The following MAP4K3 variants were observed in gnomAD, a reference collection of about 807,000 sequenced individuals.
The protein encoded by MAP4K3 is mitogen-activated protein kinase kinase kinase kinase 3.
MAP4K3 carries 94 observed loss-of-function variants against 143.5 expected under a neutral mutation model. That is an observed-to-expected ratio of 0.65 (90% CI 0.55 to 0.78). The LOEUF is 0.78. Ranked by LOEUF, MAP4K3 falls within the 30% of genes least tolerant of loss-of-function variation. MAP4K3 has a pLI of 0.00. For missense variants in MAP4K3, 1,077 were observed against 1,068.1 expected (o/e 1.01, Z -0.12); for synonymous variants, 416 against 347.2 (o/e 1.20, Z -2.20).
At chr2:39,330,339 C>G (rs1280501832) in intron 8 of MAP4K3, among the ~76,000 whole-genome samples, 2 of 152,112 alleles carry the variant, frequency 1.3e-5, no homozygotes, top group African/African-American at 4.8e-5. Context: ...TGCAATACTT[C>G]AAAAACTCTA....
At chr2:39,434,138 CTTATT>C (rs1463969168) in intron 1 of MAP4K3, among the ~76,000 whole-genome samples, 2 of 152,184 alleles carry the variant, frequency 1.3e-5, no homozygotes, top group African/African-American at 4.8e-5. Flanking sequence ...AATCGGATCT[CTTATT>C]TATTTAATCC....
intron 13 of MAP4K3, among the ~76,000 whole-genome samples, chr2:39,311,227 G>A (rs186507749): frequency 3.6e-4 from 55 of 152,188 alleles, no homozygotes; most frequent in African/African-American, 1.2e-3. Context: ...ACAGGTGCGC[G>A]CCACTATACC....
intron 24 of MAP4K3, among the ~76,000 whole-genome samples, chr2:39,276,666 C>T (rs1291773220): frequency 6.6e-6 from 1 of 152,170 alleles, no homozygotes; most frequent in Admixed American, 6.5e-5. Context: ...TAATATATGT[C>T]AAGCATTTAA....
chr2:39,350,582 T>C (rs1195106631), intron 3 of MAP4K3, among the ~76,000 whole-genome samples: 1 of 152,188 alleles, frequency 6.6e-6, no homozygotes, highest in Non-Finnish European at 1.5e-5. Context: ...ATCCAGTTGT[T>C]TCCCTTCTTA....
intron 2 of MAP4K3, among the ~76,000 whole-genome samples, chr2:39,367,117 T>C (rs1397922575): frequency 5.3e-5 from 8 of 152,272 alleles, no homozygotes; most frequent in Admixed American, 5.2e-4. Flanking sequence ...TTTGTTTGGC[T>C]GTATTTTAGT....
chr2:39,343,321 A>T lies in MAP4K3; in HGVS notation c.310+67T>A, dbSNP rs540795901. The T allele has an allele frequency of 1.8e-4, 190 of 1,037,854 alleles. No individual in the cohort carries two copies. In the South Asian group the frequency reaches 2.5e-3, roughly 14 times the overall value. 64.3% of individuals were successfully genotyped at this position (1,037,854 alleles called of 1,614,324 possible). On this transcript the variant is annotated intron_variant, in intron 4 of 33. Coordinates refer to ENST00000263881, the MANE Select transcript of MAP4K3 (RefSeq NM_003618.4). The stretch of plus-strand genomic sequence containing the variant: ...TCCTTAAGATAATGTTGATGTTTTA[A>T]TATAGTAAATAGCTGTATTTTAAGA...
At chr2:39,318,133 A>T (rs1159125680) in intron 12 of MAP4K3, among the ~76,000 whole-genome samples, 1 of 152,174 alleles carries the variant, frequency 6.6e-6, no homozygotes, top group African/African-American at 2.4e-5. Flanking sequence ...TCCTAAGTAA[A>T]CTAACTCAGG....
intron 12 of MAP4K3, chr2:39,323,539 AAC>A (rs1443437083): frequency 6.6e-6 from 1 of 152,226 alleles, no homozygotes; most frequent in Non-Finnish European, 1.5e-5. Flanking sequence ...TGGTTCAAAT[AAC>A]AGTTACCACT....
At chr2:39,377,152 T>C (rs1044835117) in intron 2 of MAP4K3, among the ~76,000 whole-genome samples, 2 of 147,394 alleles carry the variant, frequency 1.4e-5, no homozygotes, top group African/African-American at 4.9e-5. Flanking sequence ...GAGAACTGAA[T>C]ATAGAGACCA....
In MAP4K3 at chr2:39,437,028, G is replaced by T. The variant is rs1665513175; in HGVS notation, c.-41C>A. On this transcript the variant is annotated 5_prime_UTR_variant, in exon 1 of 34. Transcript: ENST00000263881. The stretch of plus-strand genomic sequence containing the variant: ...CCCCCCGCCTCCCTCCCGGGCAGGG[G>T]AGGGGGGCCGCTCAGGGGGCCACAC... 1 of 1,538,808 alleles carries T rather than the reference G, an allele frequency of 6.5e-7. No homozygotes were observed. Among genetic ancestry groups the T allele is most frequent in the East Asian group, 2.3e-5 (1 of 42,692 alleles).
intron 1 of MAP4K3, chr2:39,436,669 T>C (rs1019894958): frequency 5.4e-6 from 3 of 557,366 alleles, no homozygotes; most frequent in Non-Finnish European, 3.2e-6. Flanking sequence ...GCAAAAATCA[T>C]GTCCACCGGG....
intron 1 of MAP4K3, among the ~76,000 whole-genome samples, chr2:39,419,929 G>C (rs539864158): frequency 2.2e-4 from 34 of 152,306 alleles, no homozygotes; most frequent in Middle Eastern, 3.4e-3. Flanking sequence ...ACAGGCAAAA[G>C]CAAGGTATGG....
intron 4 of MAP4K3, among the ~76,000 whole-genome samples, chr2:39,340,181 T>A (rs1454738128): frequency 6.6e-6 from 1 of 152,154 alleles, no homozygotes; most frequent in Admixed American, 6.5e-5. Flanking sequence ...TAATACTCTC[T>A]CTATATAATG....
chr2:39,273,667 T>C lies in MAP4K3; in HGVS notation c.1795-1125A>G, dbSNP rs576084714. ...AGGGAGGAGAAACAAAGTAACATTT[T>C]AATAAAAATTTTATTTCATTTACTG... On this transcript the variant is annotated intron_variant, in intron 24 of 33. Coordinates refer to ENST00000263881, the MANE Select transcript of MAP4K3 (RefSeq NM_003618.4). Among the ~76,000 whole-genome samples the C allele has an allele frequency of 1.2e-4, 19 of 152,354 alleles. No individual in the cohort carries two copies. The South Asian group carries it at 3.7e-3, about 30-fold the overall frequency.
In MAP4K3 at chr2:39,355,826, T is replaced by C. The variant is rs567143538; in HGVS notation, c.245+423A>G. ...ATAGTTCCTAGTTCTTTGGATACAA[T>C]GAAGGAAAGGGATAAAGTAATATAG... On this transcript the variant is annotated intron_variant, in intron 3 of 33. Transcript: ENST00000263881. Among the ~76,000 whole-genome samples the C allele has an allele frequency of 1.1e-3, 164 of 152,078 alleles. 3 individuals are homozygous for C. Among genetic ancestry groups the C allele is most frequent in the African/African-American group, 3.9e-3 (160 of 41,468 alleles).
chr2:39,281,090 A>T (rs114033548), intron 22 of MAP4K3, among the ~76,000 whole-genome samples: 1 of 152,170 alleles, frequency 6.6e-6, no homozygotes, highest in Admixed American at 6.5e-5. Flanking sequence ...AAGAATGTTG[A>T]CTCAGGTAAT....
intron 2 of MAP4K3, among the ~76,000 whole-genome samples, chr2:39,365,378 C>T (rs1212117874): frequency 6.6e-6 from 1 of 151,740 alleles, no homozygotes; most frequent in Non-Finnish European, 1.5e-5. Context: ...AGGAGAGCCT[C>T]CATCAGTCGG....
chr2:39,287,131 A>G (rs1681819823), intron 20 of MAP4K3, among the ~76,000 whole-genome samples, 167 bp from the exon 21 acceptor site: 1 of 152,222 alleles, frequency 6.6e-6, no homozygotes, highest in Admixed American at 6.5e-5. Flanking sequence ...ATTTATATAT[A>G]TGTTCTTCTA....
chr2:39,307,879 T>C lies in MAP4K3; in HGVS notation c.1119+64A>G, dbSNP rs968996495. On this transcript the variant is annotated intron_variant, in intron 15 of 33. Transcript: ENST00000263881. ...TGCTTTAATTGGACAAAATGTTTGA[T>C]CTTAAAAGAAAACAATTAAGACTAA... 31 of 1,262,344 alleles carry C rather than the reference T, an allele frequency of 2.5e-5. No homozygotes were observed. The Admixed American group carries it at 7.1e-4, about 29-fold the overall frequency. The allele number at this position is 1,262,344 out of a possible 1,614,324, so 78.2% of individuals were successfully genotyped here.
Sources: allele counts gnomAD v4.1 joint callset (sites outside exome capture counted in the v4.1 genomes callset), GRCh38; gene constraint gnomAD v4.1.1; transcripts MANE v1.5; gene names NCBI Gene and HGNC (gene_info 2026-07-23, HGNC 2026-07-21).